The following CALD1 variants were observed in gnomAD, a reference collection of about 807,000 sequenced individuals.
CALD1 encodes caldesmon.
In CALD1, 33 loss-of-function variants were observed where a neutral mutation model predicts 99.9. The ratio of observed to expected loss-of-function variants is 0.33; its 90% CI spans 0.25 to 0.44. The LOEUF is 0.44. Among genes scored for constraint, CALD1 ranks in the 20% least tolerant of loss-of-function variants. The pLI, the probability that CALD1 is intolerant of heterozygous loss-of-function variation, is 1.00. For synonymous variants in CALD1, 310 were observed against 325.0 expected (o/e 0.95, Z 0.50); for missense variants, 861 against 962.1 (o/e 0.89, Z 1.39).
chr7:134,838,207 T>C (rs1160664648), intron 1 of CALD1, among the ~76,000 whole-genome samples: 1 of 152,208 alleles, frequency 6.6e-6, no homozygotes, highest in Non-Finnish European at 1.5e-5. Context: ...CATTTCCATA[T>C]GCATAATAAT....
intron 1 of CALD1, among the ~76,000 whole-genome samples, chr7:134,818,861 G>A (rs1178976270): frequency 6.6e-6 from 1 of 152,134 alleles, no homozygotes; most frequent in East Asian, 1.9e-4. Flanking sequence ...AAACCAAGCA[G>A]TCAACCAGTG....
chr7:134,877,884 G>GA (rs774072045), intron 3 of CALD1, among the ~76,000 whole-genome samples: 1 of 151,896 alleles, frequency 6.6e-6, no homozygotes, highest in Non-Finnish European at 1.5e-5. Flanking sequence ...AAATGATTTT[G>GA]AAAAAATGTA....
the CALD1 span, chr7:134,735,047 C>A: frequency 4.4e-6 from 1 of 228,516 alleles, no homozygotes. Context: ...TGTACCAATG[C>A]AGGAAGACCT....
At chr7:134,758,230 T>C (rs991567783) in intron 1 of CALD1, among the ~76,000 whole-genome samples, 9 of 152,238 alleles carry the variant, frequency 5.9e-5, no homozygotes, top group South Asian at 2.1e-4. Flanking sequence ...CCAAGACTTA[T>C]GGATTGTTAG....
chr7:134,758,741 G>C (rs1163389101), intron 1 of CALD1, among the ~76,000 whole-genome samples: 1 of 152,128 alleles, frequency 6.6e-6, no homozygotes, highest in Non-Finnish European at 1.5e-5. Flanking sequence ...CTGGGAAGGA[G>C]ACTCCCCTTA....
intron 3 of CALD1, among the ~76,000 whole-genome samples, chr7:134,901,789 G>A (rs1803016893): frequency 6.6e-6 from 1 of 151,994 alleles, no homozygotes; most frequent in African/African-American, 2.4e-5. Flanking sequence ...AATTTCATAC[G>A]GCATTCTCCC....
In CALD1 at chr7:134,933,067, C is replaced by T. The variant is rs1374483547; in HGVS notation, c.298C>T (p.Leu100=). Residue 100 remains leucine, a synonymous_variant, in exon 5 of 15, where the codon CTG becomes TTG. Coordinates refer to ENST00000361675, the MANE Select transcript of CALD1 (RefSeq NM_033138.4). The stretch of plus-strand genomic sequence containing the variant: ...TGATGAGGCCGCATTCCTGGAGCGC[C>T]TGGCTCGGCGTGAGGAAAGACGCCA... The part of the protein sequence containing the change: ...GDDEAAFLER[L]ARREERRQKR... 4 of 1,613,848 alleles carry T rather than the reference C, an allele frequency of 2.5e-6. No homozygotes were observed. The highest frequency in any genetic ancestry group is 3.4e-6 in the Non-Finnish European group (4 of 1,180,002).
upstream of CALD1, among the ~76,000 whole-genome samples, chr7:134,739,534 G>A (rs67745058): frequency 0.078 from 11,860 of 152,126 alleles, 635 homozygotes; most frequent in Non-Finnish European, 0.11. Context: ...CCAGCCTCCC[G>A]TGCAGGTAGG....
the CALD1 span, among the ~76,000 whole-genome samples, chr7:134,723,810 G>A: frequency 5.3e-5 from 8 of 152,226 alleles, no homozygotes; most frequent in Admixed American, 4.6e-4. Context: ...TAGTGCTGAG[G>A]TTGAGAAAGC....
At chr7:134,935,185 GAGAA>G (rs1405048097) in intron 5 of CALD1, among the ~76,000 whole-genome samples, 1 of 152,070 alleles carries the variant, frequency 6.6e-6, no homozygotes, top group African/African-American at 2.4e-5. Context: ...TGTAAGCTTT[GAGAA>G]AGATTTTTTT....
rs576436415 is a variant in CALD1 at position 134,856,955 on chromosome 7, ACAGT to A, written c.-41-10733_-41-10730del. ...GAGCCTAATGCGGAGTATAAGAAAA[ACAGT>A]CAGTTAAGAACTTTGAGGGATCACG... On this transcript the variant is annotated intron_variant, in intron 2 of 14. Coordinates refer to ENST00000361675, the MANE Select transcript of CALD1 (RefSeq NM_033138.4). Among the ~76,000 whole-genome samples, 313 of 152,302 alleles carry A rather than the reference ACAGT, an allele frequency of 2.1e-3. 1 individual carries two copies. The highest frequency in any genetic ancestry group is 3.5e-3 in the Non-Finnish European group (241 of 68,026).
chr7:134,785,249 T>C (rs901965429), intron 1 of CALD1, among the ~76,000 whole-genome samples: 1 of 152,158 alleles, frequency 6.6e-6, no homozygotes, highest in African/African-American at 2.4e-5. Flanking sequence ...TTAAGGGAGA[T>C]TAATCTAGAA....
chr7:134,788,927 A>T (rs560449850), intron 1 of CALD1, among the ~76,000 whole-genome samples: 1 of 151,468 alleles, frequency 6.6e-6, no homozygotes, highest in Non-Finnish European at 1.5e-5. Context: ...AGGTGGGAGG[A>T]TCACATGAGC....
intron 3 of CALD1, among the ~76,000 whole-genome samples, chr7:134,889,656 T>C (rs962946655): frequency 1.8e-4 from 28 of 152,306 alleles, no homozygotes; most frequent in African/African-American, 5.5e-4. Context: ...CCTCGATACA[T>C]GTTTCTGTCT....
chr7:134,861,969 G>A (rs1490352503), intron 2 of CALD1, among the ~76,000 whole-genome samples: 4 of 152,176 alleles, frequency 2.6e-5, no homozygotes, highest in Non-Finnish European at 5.9e-5. Flanking sequence ...TGATGCTGTC[G>A]AGGATACAGC....
At chr7:134,809,425 T>C (rs2131908598) in intron 1 of CALD1, among the ~76,000 whole-genome samples, 1 of 152,220 alleles carries the variant, frequency 6.6e-6, no homozygotes, top group Admixed American at 6.5e-5. Context: ...CCTCATCCAT[T>C]AAAAGATAGG....
At chr7:134,765,722 C>T (rs764408753) in intron 1 of CALD1, among the ~76,000 whole-genome samples, 5 of 152,128 alleles carry the variant, frequency 3.3e-5, no homozygotes, top group Non-Finnish European at 7.4e-5. Context: ...ATGGATTTCT[C>T]ATGAATGGTT....
At chr7:134,882,507 A>C (rs1330604913) in intron 3 of CALD1, among the ~76,000 whole-genome samples, 1 of 152,172 alleles carries the variant, frequency 6.6e-6, no homozygotes, top group Non-Finnish European at 1.5e-5. Context: ...GTATATTTGC[A>C]ATTAGTATCT....
chr7:134,742,691 G>T (rs1374048974), upstream of CALD1, among the ~76,000 whole-genome samples: 1 of 152,228 alleles, frequency 6.6e-6, no homozygotes, highest in Non-Finnish European at 1.5e-5. Context: ...CGGTTCCTCT[G>T]CCCTTCTTAC....
Sources: gnomAD v4.1 joint callset for allele counts (sites outside exome capture counted in the v4.1 genomes callset) on GRCh38, gnomAD v4.1.1 for gene constraint, MANE v1.5 for transcripts, NCBI Gene and HGNC (gene_info 2026-07-23, HGNC 2026-07-21) for gene names.